Variants in CHST11 observed in about 807,000 individuals in gnomAD.
The protein encoded by CHST11 is carbohydrate sulfotransferase 11, also known as C4S-1.
A neutral mutation model predicts 30.4 loss-of-function variants in CHST11; 9 were observed. The observed-to-expected ratio is 0.30, with a 90% CI of 0.18 to 0.52. The LOEUF (loss-of-function observed/expected upper bound fraction) is 0.52, where lower values mean the gene tolerates loss of function less well. Ranked by LOEUF, CHST11 falls within the 20% of genes least tolerant of loss-of-function variation. CHST11 has a pLI of 0.97. For missense variants in CHST11, 348 were observed against 460.6 expected (o/e 0.76, Z 2.24); for synonymous variants, 152 against 187.8 (o/e 0.81, Z 1.56).
intron 2 of CHST11, among the ~76,000 whole-genome samples, chr12:104,650,682 C>T (rs914395714): frequency 2.0e-5 from 3 of 152,208 alleles, no homozygotes; most frequent in Admixed American, 6.5e-5. Flanking sequence ...GGCACCCATC[C>T]AAGGCTTTGC....
intron 2 of CHST11, among the ~76,000 whole-genome samples, chr12:104,694,480 T>C (rs2039926660): frequency 6.6e-6 from 1 of 152,188 alleles, no homozygotes; most frequent in African/African-American, 2.4e-5. Flanking sequence ...TTTTTGAATG[T>C]GTTTTTTGGT....
chr12:104,707,220 G>C (rs930839767), intron 2 of CHST11, among the ~76,000 whole-genome samples: 1 of 152,206 alleles, frequency 6.6e-6, no homozygotes, highest in Non-Finnish European at 1.5e-5. Flanking sequence ...ATCTAGAAAA[G>C]TAGTTGGCAC....
chr12:104,526,475 T>C (rs1027732743), intron 1 of CHST11, among the ~76,000 whole-genome samples: 3 of 152,150 alleles, frequency 2.0e-5, no homozygotes, highest in Non-Finnish European at 4.4e-5. Flanking sequence ...CCTTCTGGCA[T>C]GTTGTGCTGC....
At chr12:104,643,636 T>TCACACACA (rs34979854) in intron 2 of CHST11, among the ~76,000 whole-genome samples, 10 of 150,422 alleles carry the variant, frequency 6.6e-5, no homozygotes, top group African/African-American at 2.0e-4. Flanking sequence ...GACTTTTTCT[T>TCACACACA]CACACACACA....
At chr12:104,657,303 G>A (rs1012788805) in intron 2 of CHST11, among the ~76,000 whole-genome samples, 14 of 152,274 alleles carry the variant, frequency 9.2e-5, no homozygotes, top group East Asian at 5.8e-4. Flanking sequence ...GACCACTTAC[G>A]CACATTTTAA....
At chr12:104,617,272 G>C (rs2039116663) in intron 2 of CHST11, among the ~76,000 whole-genome samples, 1 of 152,194 alleles carries the variant, frequency 6.6e-6, no homozygotes, top group Non-Finnish European at 1.5e-5. Context: ...GGTAGCCACA[G>C]TCAGAGTTAT....
At chr12:104,460,404 C>T (rs568538475) in intron 1 of CHST11, among the ~76,000 whole-genome samples, 74 of 152,282 alleles carry the variant, frequency 4.9e-4, no homozygotes, top group African/African-American at 1.6e-3. Flanking sequence ...TGGCTCATAC[C>T]TGGAATCCCA....
chr12:104,499,615 C>A lies in CHST11; in HGVS notation c.118+42086C>A, dbSNP rs985451127. On this transcript the variant is annotated intron_variant, in intron 1 of 2. Coordinates refer to ENST00000303694, the MANE Select transcript of CHST11 (RefSeq NM_018413.6). ...TGGTGGGTCATGAGTGGAAAGAAAT[C>A]ATTATTATGTAAATCAAATAGACAC... 7.9e-5 allele frequency among the ~76,000 whole-genome samples: 12 copies of A among 152,110 alleles called. No individual in the cohort carries two copies. In the South Asian group the frequency reaches 2.3e-3, roughly 29 times the overall value.
intron 2 of CHST11, among the ~76,000 whole-genome samples, chr12:104,687,918 C>A (rs7958209): frequency 0.016 from 2,419 of 152,232 alleles, 65 homozygotes; most frequent in Admixed American, 0.051. Context: ...CAGTTTAATG[C>A]CGTTGGGTGA....
chr12:104,636,188 C>T (rs1393339497), intron 2 of CHST11, among the ~76,000 whole-genome samples: 1 of 152,134 alleles, frequency 6.6e-6, no homozygotes, highest in Non-Finnish European at 1.5e-5. Flanking sequence ...ATTGGCCTCC[C>T]GTGTCCTCAT....
intron 1 of CHST11, among the ~76,000 whole-genome samples, chr12:104,596,313 T>C (rs535273372): frequency 6.6e-6 from 1 of 152,322 alleles, no homozygotes; most frequent in East Asian, 1.9e-4. Flanking sequence ...AGATGAATCA[T>C]GCCCAGCCTG....
At chr12:104,679,962 A>G (rs2039779308) in intron 2 of CHST11, among the ~76,000 whole-genome samples, 1 of 152,138 alleles carries the variant, frequency 6.6e-6, no homozygotes, top group Non-Finnish European at 1.5e-5. Flanking sequence ...CCCAGGAATC[A>G]GGGTTATCTG....
chr12:104,703,962 A>G (rs1398879364), intron 2 of CHST11, among the ~76,000 whole-genome samples: 1 of 152,152 alleles, frequency 6.6e-6, no homozygotes, highest in Non-Finnish European at 1.5e-5. Flanking sequence ...GGTAGTTACG[A>G]CCGGGTTCTT....
intron 1 of CHST11, among the ~76,000 whole-genome samples, chr12:104,534,200 A>G (rs2038214182): frequency 6.6e-6 from 1 of 152,228 alleles, no homozygotes; most frequent in African/African-American, 2.4e-5. Flanking sequence ...TATTTCAGCG[A>G]TAAATTTGGT....
chr12:104,640,952 G>C (rs527777146), intron 2 of CHST11, among the ~76,000 whole-genome samples: 2 of 152,120 alleles, frequency 1.3e-5, no homozygotes, highest in Non-Finnish European at 2.9e-5. Context: ...CCCCCATCCT[G>C]TGCCCATAAA....
chr12:104,571,955 GCATCTATT>G (rs1259204400), intron 1 of CHST11, among the ~76,000 whole-genome samples: 8 of 152,180 alleles, frequency 5.3e-5, no homozygotes, highest in Non-Finnish European at 1.0e-4. Flanking sequence ...GGCCTTTTCT[GCATCTATT>G]CAGATAATCA....
intron 1 of CHST11, among the ~76,000 whole-genome samples, chr12:104,564,966 C>T (rs1377177186): frequency 6.6e-6 from 1 of 152,084 alleles, no homozygotes; most frequent in Admixed American, 6.5e-5. Context: ...AGGAAAAACC[C>T]ACCCCCTTGA....
At chr12:104,706,022 G>T (rs2040030173) in intron 2 of CHST11, among the ~76,000 whole-genome samples, 2 of 152,152 alleles carry the variant, frequency 1.3e-5, no homozygotes, top group Non-Finnish European at 2.9e-5. Context: ...GAAGTTTGAG[G>T]TTGCAGTGAG....
intron 1 of CHST11, among the ~76,000 whole-genome samples, chr12:104,581,832 C>T (rs1381019820): frequency 6.6e-6 from 1 of 152,206 alleles, no homozygotes; most frequent in Non-Finnish European, 1.5e-5. Context: ...GATGCTGTGG[C>T]ACTTTGCCAT....
Sources: gnomAD v4.1 joint callset for allele counts (sites outside exome capture counted in the v4.1 genomes callset) on GRCh38, gnomAD v4.1.1 for gene constraint, MANE v1.5 for transcripts, NCBI Gene and HGNC (gene_info 2026-07-23, HGNC 2026-07-21) for gene names.